Variants in CPLX1 observed in about 807,000 individuals in gnomAD.
CPLX1 encodes the protein complexin-1.
In CPLX1, 6 loss-of-function variants were observed where a neutral mutation model predicts 15.6. That is an observed-to-expected ratio of 0.39 (90% confidence interval 0.21 to 0.76). The LOEUF is 0.76. Ranked by LOEUF, CPLX1 falls within the 30% of genes least tolerant of loss-of-function variation. The pLI is 0.43. For synonymous variants in CPLX1, 91 were observed against 75.2 expected (o/e 1.21, Z -1.08); for missense variants, 242 against 188.6 (o/e 1.28, Z -1.66).
intron 2 of CPLX1, among the ~76,000 whole-genome samples, chr4:808,442 G>A (rs915588688): frequency 1.3e-5 from 2 of 152,046 alleles, no homozygotes; most frequent in Admixed American, 6.6e-5. Flanking sequence ...TCACGCTCCC[G>A]GCAAGCCCAG....
chr4:798,833 T>G (rs1746398128), intron 2 of CPLX1, among the ~76,000 whole-genome samples: 2 of 152,246 alleles, frequency 1.3e-5, no homozygotes, highest in South Asian at 2.1e-4. Flanking sequence ...ATGTCAAAGC[T>G]GAAATTATAC....
intron 2 of CPLX1, among the ~76,000 whole-genome samples, chr4:823,192 C>T (rs142910806): frequency 6.6e-6 from 1 of 152,298 alleles, no homozygotes; most frequent in Non-Finnish European, 1.5e-5. Context: ...TCCCTCCCAG[C>T]GCAGATGCAG....
At chr4:808,204 G>C (rs1746593293) in intron 2 of CPLX1, among the ~76,000 whole-genome samples, 1 of 152,080 alleles carries the variant, frequency 6.6e-6, no homozygotes, top group Admixed American at 6.5e-5. Context: ...GGGAGGTGGA[G>C]GTTGCAGTGA....
intron 2 of CPLX1, among the ~76,000 whole-genome samples, chr4:822,777 C>T (rs1192039117): frequency 6.6e-6 from 1 of 152,204 alleles, no homozygotes; most frequent in Non-Finnish European, 1.5e-5. Context: ...CAATGAGGCT[C>T]GCCGGGTGAG....
chr4:789,809 C>T (rs1311861675), intron 3 of CPLX1, among the ~76,000 whole-genome samples: 1 of 152,200 alleles, frequency 6.6e-6, no homozygotes, highest in Non-Finnish European at 1.5e-5. Flanking sequence ...GGCAGCTCAG[C>T]GTCTCTTCTC....
At chr4:787,521 G>T in intron 3 of CPLX1, 1 of 638,302 alleles carries the variant, frequency 1.6e-6, no homozygotes, top group Non-Finnish European at 1.9e-6. Flanking sequence ...CAAGTCCAGT[G>T]AGAGTGTCCT....
chr4:812,801 G>T (rs1412918297), intron 2 of CPLX1, among the ~76,000 whole-genome samples: 1 of 152,028 alleles, frequency 6.6e-6, no homozygotes, highest in African/African-American at 2.4e-5. Context: ...CTAACGCCCG[G>T]TGTCCTAACG....
At chr4:809,951 G>A (rs1342604129) in intron 2 of CPLX1, among the ~76,000 whole-genome samples, 1 of 152,172 alleles carries the variant, frequency 6.6e-6, no homozygotes, top group Non-Finnish European at 1.5e-5. Context: ...ATGCTGAGCA[G>A]GACCCCACGG....
Position 824,559 on chromosome 4 carries a change from G to A in CPLX1, c.-37C>T, listed in dbSNP as rs188007652. On this transcript the variant is annotated 5_prime_UTR_variant, in exon 2 of 4. Coordinates refer to ENST00000304062, the MANE Select transcript of CPLX1 (RefSeq NM_006651.4). The stretch of plus-strand genomic sequence containing the variant: ...TGCTTCCACAGTGGCTCCTCCAGGG[G>A]TCAGAACTCACACGCAAGTATGGCC... 3.7e-6 allele frequency: 6 copies of A among 1,611,016 alleles called. No individual in the cohort carries two copies. Among genetic ancestry groups the A allele is most frequent in the East Asian group, 2.2e-5 (1 of 44,880 alleles).
At chr4:791,183 G>GGCGGGGA (rs879689418) in intron 3 of CPLX1, among the ~76,000 whole-genome samples, 16,443 of 148,972 alleles carry the variant, frequency 0.11, 1,738 homozygotes, top group African/African-American at 0.27. Flanking sequence ...CGGGGCGGGG[G>GGCGGGGA]GCGGGGAGCG....
chr4:823,520 C>T (rs563914864), intron 2 of CPLX1, among the ~76,000 whole-genome samples: 3 of 152,332 alleles, frequency 2.0e-5, no homozygotes, highest in South Asian at 2.1e-4. Flanking sequence ...TGAGGGTGCT[C>T]CCCCGTGGAG....
intron 2 of CPLX1, chr4:804,832 T>G (rs1005784295): frequency 2.0e-6 from 2 of 984,454 alleles, no homozygotes; most frequent in Admixed American, 1.2e-4. Context: ...CCGGCAAGCG[T>G]GGGGAGCGAC....
At chr4:822,451 C>T (rs560922432) in intron 2 of CPLX1, among the ~76,000 whole-genome samples, 4 of 152,180 alleles carry the variant, frequency 2.6e-5, no homozygotes, top group South Asian at 2.1e-4. Flanking sequence ...TCTGACGTGC[C>T]GTCTCTGTTT....
chr4:807,414 T>C (rs143574218), intron 2 of CPLX1, among the ~76,000 whole-genome samples: 2,111 of 152,078 alleles, frequency 0.014, 27 homozygotes, highest in Non-Finnish European at 0.022. Flanking sequence ...CAAACCATCA[T>C]GGTACACGTT....
chr4:786,486 C>T lies in CPLX1; in HGVS notation c.*15G>A. ...GAGGGGCGGGGGCTCCGCGGGGCCGCTGTCCCGCGCGCGGCTACTTCTTGA... is the reference window on the plus strand; with the variant it reads ...GAGGGGCGGGGGCTCCGCGGGGCCGTTGTCCCGCGCGCGGCTACTTCTTGA... On this transcript the variant is annotated 3_prime_UTR_variant, in exon 4 of 4. Coordinates refer to ENST00000304062, the MANE Select transcript of CPLX1 (RefSeq NM_006651.4). The T allele has an allele frequency of 1.3e-6, 2 of 1,545,528 alleles. 1 individual carries two copies. The highest frequency in any genetic ancestry group is 2.4e-5 in the South Asian group (2 of 84,070).
At position 826,050 on chromosome 4, in the gene CPLX1, C is replaced by T. The variant is rs866997260; in HGVS notation, c.-84G>A. 2.1e-4 allele frequency: 30 copies of T among 143,544 alleles called. No individual in the cohort carries two copies. The highest frequency in any genetic ancestry group is 6.9e-4 in the African/African-American group (27 of 39,106). 8.9% of individuals were successfully genotyped at this position (143,544 alleles called of 1,614,324 possible). On this transcript the variant is annotated 5_prime_UTR_variant, in exon 1 of 4. Coordinates refer to ENST00000304062, the MANE Select transcript of CPLX1 (RefSeq NM_006651.4). ...CTGCGCTCGGGGCGCGGTTACCTTC[C>T]CGGGGCGCGGGCGGTCAGCGGCGGG...
chr4:817,352 G>A (rs1282065640), intron 2 of CPLX1, among the ~76,000 whole-genome samples: 1 of 150,222 alleles, frequency 6.7e-6, no homozygotes, highest in Non-Finnish European at 1.5e-5. Context: ...TCAGGAGTTC[G>A]AGACCAGCCT....
chr4:792,246 C>G (rs1009983930), intron 3 of CPLX1, among the ~76,000 whole-genome samples, 187 bp downstream of exon 3: 1 of 152,148 alleles, frequency 6.6e-6, no homozygotes. Context: ...GGGGCTGGGC[C>G]CCACAGAGGG....
chr4:792,214 G>A (rs1746197743), intron 3 of CPLX1, among the ~76,000 whole-genome samples: 1 of 152,204 alleles, frequency 6.6e-6, no homozygotes. Context: ...CGCCAGGGCT[G>A]GCGCTGTGGT....
Sources: gnomAD v4.1 joint callset for allele counts (sites outside exome capture counted in the v4.1 genomes callset) on GRCh38, gnomAD v4.1.1 for gene constraint, MANE v1.5 for transcripts, NCBI Gene and HGNC (gene_info 2026-07-23, HGNC 2026-07-21) for gene names.